Variants in SCHIP1 observed in about 807,000 individuals in gnomAD.
The protein encoded by SCHIP1 is schwannomin-interacting protein 1.
SCHIP1 carries 8 observed loss-of-function variants against 29.7 expected under a neutral mutation model. The ratio of observed to expected loss-of-function variants is 0.27; its 90% CI spans 0.16 to 0.49. The LOEUF (loss-of-function observed/expected upper bound fraction) is 0.49. SCHIP1 is among the 20% of genes least tolerant of loss of function. The pLI, the probability that SCHIP1 is intolerant of heterozygous loss-of-function variation, is 0.99. For missense variants in SCHIP1, 193 were observed against 294.6 expected, an observed-to-expected ratio of 0.66 and a Z score of 2.52; for synonymous variants, 76 against 94.9, an observed-to-expected ratio of 0.80 and a Z score of 1.16.
chr3:159,607,068 T>G, the SCHIP1 span, among the ~76,000 whole-genome samples: 2 of 152,352 alleles, frequency 1.3e-5, no homozygotes, highest in Non-Finnish European at 2.9e-5. Flanking sequence ...CGGGCTAAAC[T>G]GCAAAAGAAC....
At chr3:159,470,013 T>A in the SCHIP1 span, among the ~76,000 whole-genome samples, 2 of 152,128 alleles carry the variant, frequency 1.3e-5, no homozygotes, top group Non-Finnish European at 2.9e-5. Context: ...CATTTATATA[T>A]AATACTTCAC....
intron 6 of SCHIP1, among the ~76,000 whole-genome samples, chr3:159,895,233 A>AT (rs1717946492): frequency 6.6e-6 from 1 of 152,152 alleles, no homozygotes; most frequent in Non-Finnish European, 1.5e-5. Context: ...GAGTACCTTT[A>AT]TTGTTAGTTG....
the SCHIP1 span, among the ~76,000 whole-genome samples, chr3:159,550,067 A>C: frequency 1.4e-5 from 2 of 144,362 alleles, no homozygotes; most frequent in Admixed American, 7.0e-5. Context: ...TCTTATCTTA[A>C]GATATCTTAA....
upstream of SCHIP1, among the ~76,000 whole-genome samples, chr3:159,838,349 A>T (rs1488959083): frequency 2.0e-5 from 3 of 152,214 alleles, no homozygotes; most frequent in Non-Finnish European, 2.9e-5. Context: ...TGATAGGAAA[A>T]CTTGTCAAAC....
At chr3:159,387,228 G>C in the SCHIP1 span, 1 of 199,690 alleles carries the variant, frequency 5.0e-6, no homozygotes, top group East Asian at 1.6e-4. Flanking sequence ...TGTGGCCACT[G>C]TACCTGGTCC....
At chr3:159,384,277 C>T in the SCHIP1 span, among the ~76,000 whole-genome samples, 5 of 151,474 alleles carry the variant, frequency 3.3e-5, no homozygotes, top group Middle Eastern at 3.4e-3. Flanking sequence ...TTTTGAGATA[C>T]GTCCCATCAA....
chr3:159,528,091 G>A, the SCHIP1 span, among the ~76,000 whole-genome samples: 1 of 152,174 alleles, frequency 6.6e-6, no homozygotes, highest in Non-Finnish European at 1.5e-5. Context: ...TTTAAAAAAT[G>A]TTAAAATTAG....
At chr3:159,895,905 A>G (rs1167772505) in intron 6 of SCHIP1, among the ~76,000 whole-genome samples, 1 of 152,218 alleles carries the variant, frequency 6.6e-6, no homozygotes, top group Admixed American at 6.5e-5. Flanking sequence ...CATGTTGGCC[A>G]GGCTGGTCTC....
the SCHIP1 span, among the ~76,000 whole-genome samples, chr3:159,481,553 T>G: frequency 5.3e-5 from 8 of 152,196 alleles, no homozygotes. Flanking sequence ...CCAATTTTAC[T>G]AGGTATTCTG....
At chr3:159,887,627 C>T (rs370395985) in intron 3 of SCHIP1, 81 bp from the exon 5 acceptor site, 1 of 1,523,464 alleles carries the variant, frequency 6.6e-7, no homozygotes, top group African/African-American at 1.4e-5. Flanking sequence ...AGAGAAGGCT[C>T]AGAGGATGTT....
chr3:159,493,118 GAAC>G, the SCHIP1 span, among the ~76,000 whole-genome samples: 4 of 152,162 alleles, frequency 2.6e-5, no homozygotes, highest in South Asian at 2.1e-4. Context: ...ACGTGGAAAG[GAAC>G]AACAAGTACC....
chr3:159,693,420 C>T, the SCHIP1 span, among the ~76,000 whole-genome samples: 18 of 152,278 alleles, frequency 1.2e-4, no homozygotes, highest in African/African-American at 4.1e-4. Context: ...AGACGATTTT[C>T]CTGCCAGCAG....
chr3:159,835,164 A>G (rs765298861), upstream of SCHIP1, among the ~76,000 whole-genome samples: 51 of 152,160 alleles, frequency 3.4e-4, no homozygotes, highest in Admixed American at 8.5e-4. Flanking sequence ...CATCTTTCCC[A>G]CCCCCAATAC....
the SCHIP1 span, among the ~76,000 whole-genome samples, chr3:159,336,983 T>G: frequency 1.1e-4 from 16 of 152,228 alleles, no homozygotes; most frequent in African/African-American, 3.9e-4. Context: ...GAGCATGGAA[T>G]GTTCTTCCAT....
At chr3:159,870,209 G>C (rs1715109536) in intron 2 of SCHIP1, among the ~76,000 whole-genome samples, 1 of 151,880 alleles carries the variant, frequency 6.6e-6, no homozygotes, top group Admixed American at 6.6e-5. Flanking sequence ...CAATTCTCAT[G>C]CTTTTGGTTT....
At chr3:159,752,196 T>A in the SCHIP1 span, among the ~76,000 whole-genome samples, 1 of 152,268 alleles carries the variant, frequency 6.6e-6, no homozygotes, top group African/African-American at 2.4e-5. Flanking sequence ...ACCTCTTTTC[T>A]TTATAGCGGT....
the SCHIP1 span, among the ~76,000 whole-genome samples, chr3:159,815,195 T>C: frequency 2.0e-5 from 3 of 152,226 alleles, no homozygotes; most frequent in Non-Finnish European, 4.4e-5. Context: ...TGGTCTGCAC[T>C]GCCCTAACCT....
In SCHIP1 at chr3:159,866,139, T is replaced by C. The variant is rs1306439405; in HGVS notation, c.31-24T>C. 5 of 1,609,514 alleles carry C rather than the reference T, an allele frequency of 3.1e-6. No homozygotes were observed. The Admixed American group carries it at 6.7e-5, about 22-fold the overall frequency. ...TGCTATATCTGCCCACTTATCAGCA[T>C]TTTTTATTTTCTTGAAATTTTAGGC... On this transcript the variant is annotated intron_variant, in intron 1 of 6. Transcript: ENST00000445224.
the SCHIP1 span, among the ~76,000 whole-genome samples, chr3:159,678,995 G>T: frequency 1.3e-5 from 2 of 152,184 alleles, no homozygotes; most frequent in Non-Finnish European, 1.5e-5. Flanking sequence ...GTGAGATTTG[G>T]CTGGGGACCC....
Sources: allele counts gnomAD v4.1 joint callset (sites outside exome capture counted in the v4.1 genomes callset), GRCh38; gene constraint gnomAD v4.1.1; transcripts MANE v1.5; gene names NCBI Gene and HGNC (gene_info 2026-07-23, HGNC 2026-07-21).